Variants in PACS2 observed in about 807,000 individuals in gnomAD.
PACS2 encodes phosphofurin acidic cluster sorting protein 2.
Under a neutral mutation model 113.0 loss-of-function variants are expected in PACS2, and 36 were observed. The ratio of observed to expected loss-of-function variants is 0.32; its 90% CI spans 0.24 to 0.42. The LOEUF is 0.42. Among genes scored for constraint, PACS2 ranks in the 10% least tolerant of loss-of-function variants. The probability of loss-of-function intolerance (pLI) is 1.00; values close to 1 mark genes in which losing one functional copy is unlikely to be tolerated. For synonymous variants in PACS2, 589 were observed against 536.1 expected, an observed-to-expected ratio of 1.10 and a Z score of -1.36; for missense variants, 1,015 against 1,239.5, an observed-to-expected ratio of 0.82 and a Z score of 2.72.
intron 2 of PACS2, among the ~76,000 whole-genome samples, chr14:105,349,892 G>A (rs1555403536): frequency 6.8e-6 from 1 of 147,942 alleles, no homozygotes; most frequent in African/African-American, 2.6e-5. Context: ...CTAATAGCAG[G>A]ACCCCGAGAA....
At chr14:105,306,018 G>C (rs2058177626) in intron 1 of PACS2, among the ~76,000 whole-genome samples, 1 of 152,258 alleles carries the variant, frequency 6.6e-6, no homozygotes, top group Non-Finnish European at 1.5e-5. Flanking sequence ...AGCAGAGCGG[G>C]GCCCAGGCTG....
chr14:105,396,265 C>T lies in PACS2; in HGVS notation c.*1593C>T, dbSNP rs868915567. 1 of 152,412 alleles carries T rather than the reference C, an allele frequency of 6.6e-6. No homozygotes were observed. Among genetic ancestry groups the T allele is most frequent in the Admixed American group, 6.5e-5 (1 of 15,288 alleles). 9.4% of individuals were successfully genotyped at this position (152,412 alleles called of 1,614,324 possible). ...GAGCCCCTCCACACCAGGGACTCCT[C>T]CTTCACCTGGGACCAGGAGCCTGGG... On this transcript the variant is annotated 3_prime_UTR_variant, in exon 25 of 25. Transcript: ENST00000447393.
At chr14:105,367,180 G>A (rs921417095) in intron 4 of PACS2, 33 bp from the exon 5 acceptor site, 18 of 1,600,188 alleles carry the variant, frequency 1.1e-5, no homozygotes, top group Non-Finnish European at 1.5e-5. Flanking sequence ...TTCCCGTCGT[G>A]CTGCTTTCTA....
chr14:105,379,636 G>T (rs781833552), intron 9 of PACS2, 103 bp from the exon 10 acceptor site: 21 of 929,812 alleles, frequency 2.3e-5, no homozygotes, highest in Non-Finnish European at 3.5e-5. Context: ...TCTGCCGTTG[G>T]ATTCTGCAGT....
At chr14:105,335,686 C>T (rs1453740107) in intron 1 of PACS2, among the ~76,000 whole-genome samples, 1 of 152,224 alleles carries the variant, frequency 6.6e-6, no homozygotes, top group Non-Finnish European at 1.5e-5. Flanking sequence ...ACAGCAGCCT[C>T]CTTGGCCCTG....
At position 105,348,530 on chromosome 14, in the gene PACS2, A is replaced by G; in HGVS notation, c.157A>G (p.Lys53Glu). The G allele has an allele frequency of 1.9e-6, 3 of 1,612,506 alleles. No homozygotes were observed. Among genetic ancestry groups the G allele is most frequent in the Non-Finnish European group, 2.5e-6 (3 of 1,179,780 alleles). ...SLTLKKLVVFKELEKELISVV... is the reference protein window; with the variant it reads ...SLTLKKLVVFEELEKELISVV... ...GACTCTGAAGAAGCTGGTGGTCTTC[A>G]AGGAGCTGGAGAAGGAGCTGATCTC... is the stretch of plus-strand genomic sequence containing the variant. The change falls in exon 2 of 25, where the codon AAG becomes GAG. Residue 53 changes from lysine to glutamate, a missense_variant. Physicochemically the swap from Lys to Glu is moderately conservative, Grantham distance 56 (BLOSUM62 1). Coordinates refer to ENST00000447393, the MANE Select transcript of PACS2 (RefSeq NM_001100913.3). The surrounding 1 kb of genome is among the most constrained non-coding windows in gnomAD (Gnocchi z 6.4).
At chr14:105,377,474 C>T (rs1391858126) in intron 9 of PACS2, among the ~76,000 whole-genome samples, 2 of 152,174 alleles carry the variant, frequency 1.3e-5, no homozygotes, top group East Asian at 3.9e-4. Context: ...ATGGAGGCCT[C>T]GGTCAGCTGG....
intron 1 of PACS2, among the ~76,000 whole-genome samples, chr14:105,337,892 G>T (rs1555400854): frequency 6.6e-6 from 1 of 152,230 alleles, no homozygotes; most frequent in Non-Finnish European, 1.5e-5. Flanking sequence ...AGGGACGCAG[G>T]TGCCTGTCTC....
At position 105,384,394 on chromosome 14, in the gene PACS2, C is replaced by T. The variant is rs757517050; in HGVS notation, c.1822C>T (p.Arg608Cys). Residue 608 changes from arginine (R) to cysteine (C), a missense_variant, in exon 17 of 25, where the codon CGC becomes TGC. This residue lies in a region of PACS2 where 859 missense variants were observed against 1,056.8 expected (regional missense o/e 0.81). Coordinates refer to ENST00000447393, the MANE Select transcript of PACS2 (RefSeq NM_001100913.3). ...VARYLGSVDY[R>C]YNNFFQDLAW... ...CAGGTACCTAGGCTCCGTGGACTAC[C>T]GCTACAACAACTTCTTCCAGGACCT... 38 of 1,612,446 alleles carry T rather than the reference C, an allele frequency of 2.4e-5. No homozygotes were observed. The highest frequency in any genetic ancestry group is 1.6e-4 in the Middle Eastern group (1 of 6,062).
intron 4 of PACS2, among the ~76,000 whole-genome samples, chr14:105,359,677 C>A (rs1555406044): frequency 6.6e-6 from 1 of 151,460 alleles, no homozygotes; most frequent in African/African-American, 2.4e-5. Flanking sequence ...CTGCAACCTC[C>A]ACCTCCCAGG....
At chr14:105,379,038 G>C (rs587613102) in intron 9 of PACS2, among the ~76,000 whole-genome samples, 1 of 145,620 alleles carries the variant, frequency 6.9e-6, no homozygotes, top group Non-Finnish European at 1.5e-5. Flanking sequence ...CTGGATGGTC[G>C]GGAAGGGCCT....
intron 1 of PACS2, among the ~76,000 whole-genome samples, chr14:105,346,699 A>C (rs1308728426): frequency 3.0e-4 from 1 of 3,376 alleles, no homozygotes; most frequent in Non-Finnish European, 5.5e-4. Context: ...CGGCTCCCCC[A>C]CCCCCACCCG....
rs916848842 is a variant in PACS2 at position 105,324,489 on chromosome 14, G to T, written c.119+9452G>T. Among the ~76,000 whole-genome samples, 2 of 152,196 alleles carry T rather than the reference G, an allele frequency of 1.3e-5. No homozygotes were observed. Among genetic ancestry groups the T allele is most frequent in the African/African-American group, 2.4e-5 (1 of 41,448 alleles). ...CTGAGGCCTGTGAGCTGCTGGCCCC[G>T]CAGGGTGGCTGGGCCTGGCTGGCTC... On this transcript the variant is annotated intron_variant, in intron 1 of 24. Coordinates refer to ENST00000447393, the MANE Select transcript of PACS2 (RefSeq NM_001100913.3). The surrounding 1 kb of genome is among the most constrained non-coding windows in gnomAD (Gnocchi z 4.7).
intron 1 of PACS2, among the ~76,000 whole-genome samples, chr14:105,303,209 G>A (rs2058089119): frequency 6.6e-6 from 1 of 152,074 alleles, no homozygotes; most frequent in Non-Finnish European, 1.5e-5. Context: ...GATTCTACAC[G>A]TGAGCCAATG....
rs140690172 is a variant in PACS2 at position 105,332,009 on chromosome 14, C to G, written c.120-16484C>G. 2.9e-3 allele frequency among the ~76,000 whole-genome samples: 449 copies of G among 152,294 alleles called. 3 individuals carry two copies. Among genetic ancestry groups the G allele is most frequent in the African/African-American group, 9.4e-3 (392 of 41,560 alleles). ...GTCTGCGATCAGCCTGCTCCTTGTT[C>G]CTTGTGGGACACATGTGTGATCTGT... On this transcript the variant is annotated intron_variant, in intron 1 of 24. Coordinates refer to ENST00000447393, the MANE Select transcript of PACS2 (RefSeq NM_001100913.3).
intron 1 of PACS2, among the ~76,000 whole-genome samples, chr14:105,327,335 A>ACTGC (rs2059153217): frequency 6.6e-6 from 1 of 152,184 alleles, no homozygotes; most frequent in South Asian, 2.1e-4. Context: ...GCCTGCCGCT[A>ACTGC]CTGCCTGCTG....
At chr14:105,375,778 C>A (rs1406420591) in intron 8 of PACS2, among the ~76,000 whole-genome samples, 1 of 152,194 alleles carries the variant, frequency 6.6e-6, no homozygotes, top group Non-Finnish European at 1.5e-5. Context: ...GTGTTGACTT[C>A]AGGGAGGTGA....
At chr14:105,338,145 G>A (rs2059594139) in intron 1 of PACS2, among the ~76,000 whole-genome samples, 1 of 152,236 alleles carries the variant, frequency 6.6e-6, no homozygotes, top group Non-Finnish European at 1.5e-5. Flanking sequence ...GGAAGCGGGG[G>A]AGTGACCTGC....
At chr14:105,336,101 C>T (rs1366751959) in intron 1 of PACS2, among the ~76,000 whole-genome samples, 2 of 152,192 alleles carry the variant, frequency 1.3e-5, no homozygotes, top group Non-Finnish European at 2.9e-5. Flanking sequence ...CGGGCAGGCT[C>T]GCGACCGCAC....
Sources: allele counts gnomAD v4.1 joint callset (sites outside exome capture counted in the v4.1 genomes callset), GRCh38; gene constraint gnomAD v4.1.1; regional missense constraint gnomAD v4.1.1; non-coding constraint Gnocchi (gnomAD v3.1); transcripts MANE v1.5; gene names NCBI Gene and HGNC (gene_info 2026-07-23, HGNC 2026-07-21).